FMO5: variants seen among roughly 807,000 people sequenced by gnomAD.
The protein encoded by FMO5 is flavin-containing monooxygenase 5.
In FMO5, 51 loss-of-function variants were observed where a neutral mutation model predicts 43.6. The ratio of observed to expected loss-of-function variants is 1.17; its 90% CI spans 0.93 to 1.48. The LOEUF (loss-of-function observed/expected upper bound fraction) is 1.48, where lower values mean the gene tolerates loss of function less well. Ranked by LOEUF, FMO5 falls within the 40% of genes most tolerant of loss-of-function variation. The probability of loss-of-function intolerance (pLI) is 0.00; values close to 1 mark genes in which losing one functional copy is unlikely to be tolerated. For synonymous variants in FMO5, 187 were observed against 216.5 expected (o/e 0.86, Z 1.20); for missense variants, 644 against 643.0 (o/e 1.00, Z -0.02).
In FMO5 at chr1:147,209,437, CAAAA is replaced by C. The variant is rs34426233; in HGVS notation, c.631-390_631-387del. The stretch of plus-strand genomic sequence containing the variant: ...TGGGCAACAGAGTGAGACTCCGTCT[CAAAA>C]AAAAAAAAAAAAAGAGTTCAAACTC... On this transcript the variant is annotated intron_variant, in intron 5 of 8. Coordinates refer to ENST00000254090, the MANE Select transcript of FMO5 (RefSeq NM_001461.4). Among the ~76,000 whole-genome samples the C allele has an allele frequency of 6.6e-3, 725 of 109,850 alleles. 6 individuals carry two copies. The highest frequency in any genetic ancestry group is 0.023 in the African/African-American group (628 of 27,776). The allele number at this position is 109,850 out of a possible 152,430, so 72.1% of individuals were successfully genotyped here.
At chr1:147,223,874 C>G (rs1335817899) in intron 2 of FMO5, 13 of 343,492 alleles carry the variant, frequency 3.8e-5, no homozygotes, top group Non-Finnish European at 6.7e-5. Flanking sequence ...AGAGACAAAA[C>G]AAGAGAAGAA....
intron 8 of FMO5, among the ~76,000 whole-genome samples, 169 bp from the exon 9 acceptor site, chr1:147,187,414 C>A (rs72708556): frequency 6.6e-6 from 1 of 152,012 alleles, no homozygotes; most frequent in East Asian, 1.9e-4. Context: ...TTAGGACTTA[C>A]AAAAGGAGAT....
intron 6 of FMO5, among the ~76,000 whole-genome samples, chr1:147,202,104 A>C (rs1287591898): frequency 6.6e-6 from 1 of 152,194 alleles, no homozygotes; most frequent in East Asian, 1.9e-4. Context: ...AATGATACAC[A>C]GCCTAGGATT....
intron 8 of FMO5, among the ~76,000 whole-genome samples, chr1:147,189,156 C>CCGA (rs1656207213): frequency 6.6e-6 from 1 of 151,932 alleles, no homozygotes; most frequent in Non-Finnish European, 1.5e-5. Flanking sequence ...CACCTGTAGT[C>CCGA]CTAGCTACTC....
chr1:147,188,108 A>T (rs1353754538), intron 8 of FMO5, among the ~76,000 whole-genome samples: 4 of 152,164 alleles, frequency 2.6e-5, no homozygotes, highest in African/African-American at 9.7e-5. Flanking sequence ...ATGGGACTAG[A>T]TTTAGGAGAG....
chr1:147,201,085 A>G, intron 7 of FMO5, 67 bp downstream of exon 7: 1 of 1,138,816 alleles, frequency 8.8e-7, no homozygotes, highest in Non-Finnish European at 1.3e-6. Context: ...CTATTTAAAA[A>G]CAAGTACCTA....
chr1:147,190,493 C>T lies in FMO5; in HGVS notation c.1184-244G>A, dbSNP rs587668283. Among the ~76,000 whole-genome samples, 5 of 152,160 alleles carry T rather than the reference C, an allele frequency of 3.3e-5. No individual in the cohort carries two copies. In the South Asian group the frequency reaches 8.3e-4, roughly 25 times the overall value. ...CCCCTACTCTGACTTCCAACCAATA[C>T]CTGCCTCCTCCCTAATGTAGTCTTT... On this transcript the variant is annotated intron_variant, in intron 7 of 8. Coordinates refer to ENST00000254090, the MANE Select transcript of FMO5 (RefSeq NM_001461.4).
chr1:147,192,702 T>C (rs1251369739), intron 7 of FMO5, among the ~76,000 whole-genome samples: 1 of 152,148 alleles, frequency 6.6e-6, no homozygotes, highest in Admixed American at 6.5e-5. Flanking sequence ...ACCTAATTTA[T>C]TGAGAGTTTT....
intron 7 of FMO5, among the ~76,000 whole-genome samples, chr1:147,196,871 T>C (rs1036551989): frequency 9.9e-5 from 15 of 152,172 alleles, no homozygotes; most frequent in African/African-American, 3.6e-4. Flanking sequence ...TGAAATTTCA[T>C]TTAAGTCTGG....
intron 2 of FMO5, among the ~76,000 whole-genome samples, chr1:147,222,026 A>C (rs1553926389): frequency 6.6e-6 from 1 of 152,204 alleles, no homozygotes; most frequent in Non-Finnish European, 1.5e-5. Context: ...TACACTGATT[A>C]TATTTCCTAC....
intron 7 of FMO5, among the ~76,000 whole-genome samples, chr1:147,193,984 T>C (rs1278028965): frequency 6.6e-6 from 1 of 152,116 alleles, no homozygotes; most frequent in Non-Finnish European, 1.5e-5. Context: ...GTATATTCCG[T>C]TGATTTGGGG....
At chr1:147,198,850 CAAAAAA>C (rs151035141) in intron 7 of FMO5, among the ~76,000 whole-genome samples, 4 of 51,778 alleles carry the variant, frequency 7.7e-5, no homozygotes, top group South Asian at 9.9e-4. Context: ...GACTGCATCT[CAAAAAA>C]AAAAAAAAAA....
At chr1:147,198,850 CAA>C (rs151035141) in intron 7 of FMO5, among the ~76,000 whole-genome samples, 8 of 51,764 alleles carry the variant, frequency 1.5e-4, no homozygotes, top group African/African-American at 2.1e-4. Flanking sequence ...GACTGCATCT[CAA>C]AAAAAAAAAA....
chr1:147,191,132 C>T (rs1289019706), intron 7 of FMO5, among the ~76,000 whole-genome samples: 4 of 152,142 alleles, frequency 2.6e-5, no homozygotes, highest in Non-Finnish European at 4.4e-5. Context: ...TGAATAGTGC[C>T]GCAATAAACA....
Position 147,186,821 on chromosome 1 carries a change from G to C in FMO5, c.*79C>G, listed in dbSNP as rs1460824309. ...GTAGATTTCTGGGCAATATGAAACTGAGAGTCAATCTCGTCAGATTCTGAA... is the reference window on the plus strand; with the variant it reads ...GTAGATTTCTGGGCAATATGAAACTCAGAGTCAATCTCGTCAGATTCTGAA... On this transcript the variant is annotated 3_prime_UTR_variant, in exon 9 of 9. Transcript: ENST00000254090. The C allele has an allele frequency of 2.0e-6, 3 of 1,520,342 alleles. No individual in the cohort carries two copies. The African/African-American group carries it at 4.2e-5, about 21-fold the overall frequency. 94.2% of individuals were successfully genotyped at this position (1,520,342 alleles called of 1,614,324 possible).
intron 7 of FMO5, among the ~76,000 whole-genome samples, chr1:147,194,070 T>G (rs1354664579): frequency 6.6e-6 from 1 of 152,148 alleles, no homozygotes; most frequent in Non-Finnish European, 1.5e-5. Flanking sequence ...CTTGTTAACC[T>G]TCTGTCTCGT....
Position 147,201,139 on chromosome 1 carries a change from C to T in FMO5, c.1183+13G>A, listed in dbSNP as rs1249819074. 1.3e-6 allele frequency: 2 copies of T among 1,575,758 alleles called. No homozygotes were observed. Among genetic ancestry groups the T allele is most frequent in the South Asian group, 2.3e-5 (2 of 87,912 alleles). On this transcript the variant is annotated intron_variant, in intron 7 of 8. Coordinates refer to ENST00000254090, the MANE Select transcript of FMO5 (RefSeq NM_001461.4). ...ACCAAGTAATTAAGTAGTCTATTTG[C>T]ATGGTCACTTACCTTTAAATACCTG...
At chr1:147,221,755 C>T (rs1663046428) in intron 2 of FMO5, among the ~76,000 whole-genome samples, 1 of 152,208 alleles carries the variant, frequency 6.6e-6, no homozygotes, top group Non-Finnish European at 1.5e-5. Context: ...GATCTCACCT[C>T]TTTGAGGTAC....
chr1:147,201,175 C>CCATTTCA lies in FMO5; in HGVS notation c.1159_1160insTGAAATG (p.Arg387LeufsTer10). ...ACCTTTAAATACCTGAGTGGCCCAG[C>CCATTTCA]GTCCTTGGAGCTCTGAAATGGGCAT... On this transcript the variant is annotated frameshift_variant, in exon 7 of 9. Coordinates refer to ENST00000254090, the MANE Select transcript of FMO5 (RefSeq NM_001461.4). LOFTEE classifies it high-confidence loss of function. The CCATTTCA allele has an allele frequency of 6.2e-7, 1 of 1,612,894 alleles. No individual in the cohort carries two copies. Among genetic ancestry groups the CCATTTCA allele is most frequent in the Non-Finnish European group, 8.5e-7 (1 of 1,179,434 alleles).
Sources: allele counts gnomAD v4.1 joint callset (sites outside exome capture counted in the v4.1 genomes callset), GRCh38; gene constraint gnomAD v4.1.1; transcripts MANE v1.5; gene names NCBI Gene and HGNC (gene_info 2026-07-23, HGNC 2026-07-21).